NUAK2: variants seen among roughly 807,000 people sequenced by gnomAD.
NUAK2 encodes NUAK family kinase 2.
In NUAK2, 20 loss-of-function variants were observed where a neutral mutation model predicts 29.8. The ratio of observed to expected loss-of-function variants is 0.67; its 90% CI spans 0.47 to 0.98. NUAK2 has a LOEUF of 0.98. NUAK2 is among the 50% of genes least tolerant of loss of function. NUAK2 has a pLI of 0.00. For missense variants in NUAK2, 719 were observed against 834.5 expected, an observed-to-expected ratio of 0.86 and a Z score of 1.71; for synonymous variants, 331 against 342.6, an observed-to-expected ratio of 0.97 and a Z score of 0.37.
At chr1:205,314,309 TG>T (rs1558675585) in intron 1 of NUAK2, among the ~76,000 whole-genome samples, 1 of 152,144 alleles carries the variant, frequency 6.6e-6, no homozygotes, top group Non-Finnish European at 1.5e-5. Flanking sequence ...GCGGGAGGGA[TG>T]GTCACCATGG....
At chr1:205,321,267 A>G in intron 1 of NUAK2, 131 bp downstream of exon 1, 1 of 779,916 alleles carries the variant, frequency 1.3e-6, no homozygotes, top group Admixed American at 3.3e-5. Flanking sequence ...GTAGCCCCGC[A>G]AGCTCAGCGC....
In NUAK2 at chr1:205,303,257, C is replaced by G; in HGVS notation, c.*193G>C. 2 of 470,166 alleles carry G rather than the reference C, an allele frequency of 4.3e-6. No homozygotes were observed. The highest frequency in any genetic ancestry group is 4.2e-5 in the South Asian group (1 of 23,768). The allele number at this position is 470,166 out of a possible 1,614,324, so 29.1% of individuals were successfully genotyped here. On this transcript the variant is annotated 3_prime_UTR_variant, in exon 7 of 7. Transcript: ENST00000367157. ...CCTCTTCGTTCAGCAGGGCTGAAGA[C>G]AGACACTGAACCCTTGGCGCATTTC...
In NUAK2 at chr1:205,308,676, G is replaced by T. The variant is rs200708216; in HGVS notation, c.409C>A (p.Leu137Ile). The change falls in exon 3 of 7, where the codon CTT becomes ATT. Residue 137 changes from leucine to isoleucine, a missense_variant. Leu to Ile is a conservative substitution (Grantham distance 5, BLOSUM62 2). This residue lies in a region of NUAK2 where 283 missense variants were observed against 345.6 expected (regional missense o/e 0.82). Coordinates refer to ENST00000367157, the MANE Select transcript of NUAK2 (RefSeq NM_030952.3). The surrounding 1 kb of genome is among the most constrained non-coding windows in gnomAD (Gnocchi z 4.1). ...TGCCGCTCGCTGATGTAGTCATAAA[G>T]GTCGCCCCGGCTGGCATACTCCATG... ...IVMEYASRGDLYDYISERQQL... is the reference protein window; with the variant it reads ...IVMEYASRGDIYDYISERQQL... The T allele has an allele frequency of 4.3e-6, 7 of 1,614,000 alleles. No homozygotes were observed. The highest frequency in any genetic ancestry group is 5.9e-6 in the Non-Finnish European group (7 of 1,180,042).
intron 1 of NUAK2, among the ~76,000 whole-genome samples, chr1:205,318,581 C>G (rs1662361166): frequency 6.6e-6 from 1 of 152,208 alleles, no homozygotes; most frequent in African/African-American, 2.4e-5. Context: ...CACTCTTGCT[C>G]CAGAGCACCA....
chr1:205,303,820 C>T lies in NUAK2; in HGVS notation c.1517G>A (p.Gly506Asp), dbSNP rs557595396. Reference sequence around the variant, plus strand: ...CTCCAAGGCTGTCTGGGAGAACTTGCCATTGAGTTTGAGGATGCCTTTGCG... The same window carrying T: ...CTCCAAGGCTGTCTGGGAGAACTTGTCATTGAGTTTGAGGATGCCTTTGCG... ...LHRKGILKLNGKFSQTALELA... is the reference protein window; with the variant it reads ...LHRKGILKLNDKFSQTALELA... The change falls in exon 7 of 7, where the codon GGC becomes GAC. Residue 506 changes from glycine (G) to aspartate (D), a missense_variant. Transcript: ENST00000367157. 2 of 1,597,716 alleles carry T rather than the reference C, an allele frequency of 1.3e-6. No homozygotes were observed. Among genetic ancestry groups the T allele is most frequent in the Admixed American group, 3.5e-5 (2 of 57,576 alleles).
Position 205,313,247 on chromosome 1 carries a change from G to GA in NUAK2, c.232-1423dup, listed in dbSNP as rs57757397. ...TAAAAATTGGTCCCAAAATTATGAAGAAAAAAAAAAAAAGCCCCCAAACAC... is the reference window on the plus strand; with the variant it reads ...TAAAAATTGGTCCCAAAATTATGAAGAAAAAAAAAAAAAAGCCCCCAAACAC... On this transcript the variant is annotated intron_variant, in intron 1 of 6. Transcript: ENST00000367157. Among the ~76,000 whole-genome samples, 1,254 of 126,464 alleles carry GA rather than the reference G, an allele frequency of 9.9e-3. 18 individuals are homozygous for GA. Among genetic ancestry groups the GA allele is most frequent in the African/African-American group, 0.03 (1,045 of 35,238 alleles). 83.0% of individuals were successfully genotyped at this position (126,464 alleles called of 152,430 possible). A position where few individuals can be genotyped will look rare whatever the true frequency, so the allele number is the denominator to read the frequency against.
In NUAK2 at chr1:205,308,957, C is replaced by T. The variant is rs1400221159; in HGVS notation, c.353-225G>A. Among the ~76,000 whole-genome samples, 1 of 152,056 alleles carries T rather than the reference C, an allele frequency of 6.6e-6. No individual in the cohort carries two copies. The highest frequency in any genetic ancestry group is 1.9e-4 in the East Asian group (1 of 5,186). ...GTTAAGGCCAAAGACACTGGCTCAT[C>T]CTCTGCCTCCGTGGAAGTTCAGGCT... On this transcript the variant is annotated intron_variant, in intron 2 of 6. Coordinates refer to ENST00000367157, the MANE Select transcript of NUAK2 (RefSeq NM_030952.3). This position sits in a 1 kb window ranked among gnomAD's most constrained non-coding sequence, Gnocchi z 4.1.
At position 205,302,381 on chromosome 1, in the gene NUAK2, A is replaced by T. The variant is rs1558669950; in HGVS notation, c.*1069T>A. 1 of 152,672 alleles carries T rather than the reference A, an allele frequency of 6.5e-6. No individual in the cohort carries two copies. Among genetic ancestry groups the T allele is most frequent in the Non-Finnish European group, 1.5e-5 (1 of 68,070 alleles). 9.5% of individuals were successfully genotyped at this position (152,672 alleles called of 1,614,324 possible). ...ACATCCATAGTCTGGACTTTAGAGC[A>T]GCTTAGAGGCAGAAGTTCTGAGTCA... On this transcript the variant is annotated 3_prime_UTR_variant, in exon 7 of 7. Transcript: ENST00000367157.
At chr1:205,306,329 G>C (rs185724580) in intron 4 of NUAK2, 22 bp from the exon 5 acceptor site, 2 of 1,602,740 alleles carry the variant, frequency 1.2e-6, no homozygotes, top group Admixed American at 1.7e-5. Context: ...AGTCAAACAC[G>C]GGCACAGGTC....
At chr1:205,319,042 C>T (rs761016193) in intron 1 of NUAK2, among the ~76,000 whole-genome samples, 3 of 151,846 alleles carry the variant, frequency 2.0e-5, no homozygotes, top group South Asian at 4.2e-4. Context: ...ACCCCTCTCC[C>T]GCACTGAAGT....
chr1:205,319,300 G>A (rs1217130953), intron 1 of NUAK2, among the ~76,000 whole-genome samples: 3 of 152,220 alleles, frequency 2.0e-5, no homozygotes, highest in African/African-American at 4.8e-5. Context: ...AGAGGCATGA[G>A]GCCAGGGAGT....
chr1:205,312,778 G>C (rs1049015408), intron 1 of NUAK2, among the ~76,000 whole-genome samples: 7 of 152,122 alleles, frequency 4.6e-5, no homozygotes, highest in African/African-American at 1.7e-4. Flanking sequence ...ACTCCAGCCT[G>C]GGCAACAGAG....
chr1:205,320,319 C>G (rs937556899), intron 1 of NUAK2, among the ~76,000 whole-genome samples: 6 of 152,164 alleles, frequency 3.9e-5, no homozygotes, highest in African/African-American at 7.2e-5. Flanking sequence ...GGCTGGAGTG[C>G]AGTGGCACGA....
In NUAK2 at chr1:205,303,225, T is replaced by G; in HGVS notation, c.*225A>C. On this transcript the variant is annotated 3_prime_UTR_variant, in exon 7 of 7. Transcript: ENST00000367157. ...CGCGGGCATTCCCGTTCCCCTCTCT[T>G]TAGTATCCTCTTCGTTCAGCAGGGC... 2.4e-6 allele frequency: 1 copy of G among 419,412 alleles called. No homozygotes were observed. Among genetic ancestry groups the G allele is most frequent in the Non-Finnish European group, 4.2e-6 (1 of 235,460 alleles). The allele number at this position is 419,412 out of a possible 1,614,324, so 26.0% of individuals were successfully genotyped here. A position where few individuals can be genotyped will look rare whatever the true frequency, so the allele number is the denominator to read the frequency against.
In NUAK2 at chr1:205,316,144, C is replaced by T. The variant is rs376463466; in HGVS notation, c.232-4319G>A. On this transcript the variant is annotated intron_variant, in intron 1 of 6. Coordinates refer to ENST00000367157, the MANE Select transcript of NUAK2 (RefSeq NM_030952.3). Reference sequence around the variant, plus strand: ...GAGATGGCATCAAGAGCCCAGGAATCGAATCCTTATTTGCCCCTATAGAGC... The same window carrying T: ...GAGATGGCATCAAGAGCCCAGGAATTGAATCCTTATTTGCCCCTATAGAGC... Among the ~76,000 whole-genome samples, 5 of 152,282 alleles carry T rather than the reference C, an allele frequency of 3.3e-5. No homozygotes were observed. The South Asian group carries it at 1.0e-3, about 32-fold the overall frequency.
chr1:205,313,288 A>C (rs1324396228), intron 1 of NUAK2, among the ~76,000 whole-genome samples: 2 of 151,576 alleles, frequency 1.3e-5, no homozygotes, highest in Non-Finnish European at 2.9e-5. Context: ...TATTCAGTCC[A>C]GATGAGAAAC....
At chr1:205,311,942 G>A in intron 1 of NUAK2, 117 bp from the exon 2 acceptor site, 1 of 1,318,694 alleles carries the variant, frequency 7.6e-7, no homozygotes, top group South Asian at 1.3e-5. Flanking sequence ...ACCCATAGAA[G>A]CCACTCCATC....
At position 205,304,612 on chromosome 1, in the gene NUAK2, C is replaced by A. The variant is rs1348333557; in HGVS notation, c.824-99G>T. ...CATCCCCTTTTGAGCTATGACACTG[C>A]ATACTCCTGGGTCGGATGCGTCCCT... On this transcript the variant is annotated intron_variant, in intron 6 of 6. Transcript: ENST00000367157. The surrounding 1 kb of genome is among the most constrained non-coding windows in gnomAD (Gnocchi z 6.5). 9.4e-7 allele frequency: 1 copy of A among 1,065,592 alleles called. No homozygotes were observed. Among genetic ancestry groups the A allele is most frequent in the Non-Finnish European group, 1.3e-6 (1 of 751,768 alleles). 66.0% of individuals were successfully genotyped at this position (1,065,592 alleles called of 1,614,324 possible).
intron 1 of NUAK2, among the ~76,000 whole-genome samples, chr1:205,317,042 G>GC (rs1662337407): frequency 6.6e-6 from 1 of 152,144 alleles, no homozygotes. Context: ...AGAAGGGAAT[G>GC]CCCCATATCT....
Sources: gnomAD v4.1 joint callset for allele counts (sites outside exome capture counted in the v4.1 genomes callset) on GRCh38, gnomAD v4.1.1 for gene constraint, gnomAD v4.1.1 regional missense constraint, Gnocchi (gnomAD v3.1) non-coding constraint, MANE v1.5 for transcripts, NCBI Gene and HGNC (gene_info 2026-07-23, HGNC 2026-07-21) for gene names.